SLC12A5: variants seen among roughly 807,000 people sequenced by gnomAD.
SLC12A5 encodes solute carrier family 12 member 5, also known as K-Cl cotransporter 2.
Under a neutral mutation model 124.0 loss-of-function variants are expected in SLC12A5, and 18 were observed. The ratio of observed to expected loss-of-function variants is 0.15; its 90% CI spans 0.10 to 0.22. The LOEUF (loss-of-function observed/expected upper bound fraction) is 0.22. SLC12A5 is among the 10% of genes least tolerant of loss of function. The pLI, the probability that SLC12A5 is intolerant of heterozygous loss-of-function variation, is 1.00. For missense variants in SLC12A5, 867 were observed against 1,478.7 expected, an observed-to-expected ratio of 0.59 and a Z score of 6.78; for synonymous variants, 589 against 568.0, an observed-to-expected ratio of 1.04 and a Z score of -0.53.
chr20:46,033,722 C>T (rs1462146419), intron 1 of SLC12A5, among the ~76,000 whole-genome samples: 6 of 152,264 alleles, frequency 3.9e-5, no homozygotes, highest in Non-Finnish European at 7.3e-5. Context: ...ATCATCCAAC[C>T]ATTCACCCAT....
intron 5 of SLC12A5, 102 bp from the exon 6 acceptor site, chr20:46,037,153 G>T: frequency 1.4e-6 from 2 of 1,477,236 alleles, no homozygotes; most frequent in East Asian, 2.3e-5. Flanking sequence ...AGCCTGTGAG[G>T]CCTGGAGCAA....
In SLC12A5 at chr20:46,045,466, A is replaced by G. The variant is rs1354429640; in HGVS notation, c.1569+326A>G. ...CACTGTCTGCTCTTGGGGAAAAAAT[A>G]AATGGCCCTGTTTTGGCACTGTGGT... is the stretch of plus-strand genomic sequence containing the variant. On this transcript the variant is annotated intron_variant, in intron 12 of 25. Transcript: ENST00000243964. This position sits in a 1 kb window ranked among gnomAD's most constrained non-coding sequence, Gnocchi z 4.9. 6.6e-6 allele frequency among the ~76,000 whole-genome samples: 1 copy of G among 152,168 alleles called. No individual in the cohort carries two copies. Among genetic ancestry groups the G allele is most frequent in the Non-Finnish European group, 1.5e-5 (1 of 68,020 alleles).
rs749721085 is a variant in SLC12A5 at position 46,057,617 on chromosome 20, T to C, written c.*12T>C. On this transcript the variant is annotated 3_prime_UTR_variant, in exon 26 of 26. Transcript: ENST00000243964. This position sits in a 1 kb window ranked among gnomAD's most constrained non-coding sequence, Gnocchi z 7.1. ...CCATCTACTCCTGAGAACCAGGACC[T>C]GCCACCCGGGCCCGAGCGCGCCCGG... 6.8e-6 allele frequency: 11 copies of C among 1,606,630 alleles called. No homozygotes were observed. The highest frequency in any genetic ancestry group is 9.4e-6 in the Non-Finnish European group (11 of 1,175,504).
Position 46,057,118 on chromosome 20 carries a change from T to A in SLC12A5, c.3126-52T>A. On this transcript the variant is annotated intron_variant, in intron 24 of 25. Transcript: ENST00000243964. The surrounding 1 kb of genome is among the most constrained non-coding windows in gnomAD (Gnocchi z 7.1). The stretch of plus-strand genomic sequence containing the variant: ...GGGCTGGAAGGGCGACTGGCTCCAA[T>A]CTTCTCTACCCCCCCGGCTCACGCG... The A allele has an allele frequency of 6.2e-7, 1 of 1,609,482 alleles. No homozygotes were observed. Among genetic ancestry groups the A allele is most frequent in the Non-Finnish European group, 8.5e-7 (1 of 1,176,826 alleles).
chr20:46,029,491 A>T (rs1320004530), intron 1 of SLC12A5, 95 bp downstream of exon 1: 2 of 1,381,394 alleles, frequency 1.4e-6, no homozygotes, highest in Non-Finnish European at 9.8e-7. Flanking sequence ...TCCTTCAGAG[A>T]GGAGGCTGGG....
In SLC12A5 at chr20:46,055,032, G is replaced by A; in HGVS notation, c.2787+9G>A. ...ATGAGCGGGAGCGGGAGGTGAGGTT[G>A]CCCTGGCTGGCCCCTGAGAGCCTCA... On this transcript the variant is annotated intron_variant, in intron 21 of 25. Coordinates refer to ENST00000243964, the MANE Select transcript of SLC12A5 (RefSeq NM_020708.5). 6 of 1,609,442 alleles carry A rather than the reference G, an allele frequency of 3.7e-6. No homozygotes were observed. The highest frequency in any genetic ancestry group is 1.1e-5 in the South Asian group (1 of 90,952).
chr20:46,043,139 C>T lies in SLC12A5; in HGVS notation c.1067-14C>T. 4 of 1,611,876 alleles carry T rather than the reference C, an allele frequency of 2.5e-6. No homozygotes were observed. The highest frequency in any genetic ancestry group is 3.4e-6 in the Non-Finnish European group (4 of 1,178,464). ...TATGGCTGGCCTCCCCCTGAGCATT[C>T]TGTCTCCCCACAGAGAACCTCTGGA... On this transcript the variant is annotated splice_polypyrimidine_tract_variant and intron_variant, in intron 8 of 25. Transcript: ENST00000243964.
intron 17 of SLC12A5, 74 bp from the exon 18 acceptor site, chr20:46,051,601 G>A: frequency 7.2e-7 from 1 of 1,395,784 alleles, no homozygotes; most frequent in Non-Finnish European, 9.9e-7. Flanking sequence ...AGATGGGAGG[G>A]AAGGAGGCTA....
chr20:46,059,641 A>G lies in SLC12A5; in HGVS notation c.*2036A>G, dbSNP rs2084734667. Reference sequence around the variant, plus strand: ...AGCAAAGTTTCCGTTGATGAAACAGACATCCCACAACAAAAACCCAAGTTT... The same window carrying G: ...AGCAAAGTTTCCGTTGATGAAACAGGCATCCCACAACAAAAACCCAAGTTT... On this transcript the variant is annotated 3_prime_UTR_variant, in exon 26 of 26. Transcript: ENST00000243964. 7.5e-6 allele frequency: 3 copies of G among 398,968 alleles called. No individual in the cohort carries two copies. The Admixed American group carries it at 1.3e-4, about 18-fold the overall frequency. The allele number at this position is 398,968 out of a possible 1,614,324, so 24.7% of individuals were successfully genotyped here.
intron 1 of SLC12A5, among the ~76,000 whole-genome samples, chr20:46,033,291 C>T (rs562287218): frequency 6.6e-6 from 1 of 152,256 alleles, no homozygotes; most frequent in South Asian, 2.1e-4. Flanking sequence ...TGCCTAGGGC[C>T]TCAATTTCAC....
chr20:46,037,161 C>T, intron 5 of SLC12A5, 94 bp from the exon 6 acceptor site: 1 of 1,489,096 alleles, frequency 6.7e-7, no homozygotes, highest in Admixed American at 2.2e-5. Flanking sequence ...AGGCCTGGAG[C>T]AACCCCCTTC....
At chr20:46,022,031 G>A in intron 1 of SLC12A5, 1 of 1,039,078 alleles carries the variant, frequency 9.6e-7, no homozygotes, top group African/African-American at 1.7e-5. Flanking sequence ...AATGGAGCCA[G>A]GACTAGGAAA....
chr20:46,032,074 G>A (rs1202793801), intron 1 of SLC12A5, among the ~76,000 whole-genome samples: 2 of 152,244 alleles, frequency 1.3e-5, no homozygotes, highest in Admixed American at 6.5e-5. Flanking sequence ...CTACCTAGCC[G>A]CCCTCTCCCC....
upstream of SLC12A5, among the ~76,000 whole-genome samples, chr20:46,024,300 A>G (rs1212959553): frequency 6.6e-6 from 1 of 151,988 alleles, no homozygotes; most frequent in Non-Finnish European, 1.5e-5. Flanking sequence ...TTCTGTGTCT[A>G]TCTGAGGGGT....
chr20:46,036,649 G>T, intron 4 of SLC12A5, 92 bp from the exon 5 acceptor site: 1 of 1,362,792 alleles, frequency 7.3e-7, no homozygotes, highest in South Asian at 1.2e-5. Context: ...CTGTGGGTTT[G>T]GCTGGTGTTT....
intron 6 of SLC12A5, among the ~76,000 whole-genome samples, chr20:46,039,293 G>A (rs965796685): frequency 2.6e-5 from 4 of 152,116 alleles, no homozygotes; most frequent in East Asian, 1.9e-4. Flanking sequence ...CATTTTTTAC[G>A]ATTCAGGGAA....
chr20:46,044,882 T>G, intron 11 of SLC12A5, 84 bp from the exon 12 acceptor site: 5 of 1,490,512 alleles, frequency 3.4e-6, no homozygotes, highest in South Asian at 1.2e-5. Flanking sequence ...AGGCACACAG[T>G]TGGTTCTGTA....
At position 46,055,020 on chromosome 20, in the gene SLC12A5, G is replaced by T. The variant is rs896997042; in HGVS notation, c.2784G>T (p.Arg928=). Residue 928 remains arginine, a synonymous_variant, in exon 21 of 26, where the codon CGG becomes CGT. Transcript: ENST00000243964. ...ATTTAACCAAGAATGAGCGGGAGCGGGAGGTGAGGTTGCCCTGGCTGGCCC... is the reference window on the plus strand; with the variant it reads ...ATTTAACCAAGAATGAGCGGGAGCGTGAGGTGAGGTTGCCCTGGCTGGCCC... ...QMHLTKNERE[R]EIQSITDESR... 1 of 1,613,826 alleles carries T rather than the reference G, an allele frequency of 6.2e-7. No individual in the cohort carries two copies. The highest frequency in any genetic ancestry group is 1.3e-5 in the African/African-American group (1 of 75,034).
At chr20:46,036,853 C>T in intron 5 of SLC12A5, 58 bp downstream of exon 5, 1 of 1,597,226 alleles carries the variant, frequency 6.3e-7, no homozygotes, top group Non-Finnish European at 8.6e-7. Flanking sequence ...AGGGATAGTG[C>T]CCTGGGCTTT....
Sources: gnomAD v4.1 joint callset for allele counts (sites outside exome capture counted in the v4.1 genomes callset) on GRCh38, gnomAD v4.1.1 for gene constraint, Gnocchi (gnomAD v3.1) non-coding constraint, MANE v1.5 for transcripts, NCBI Gene and HGNC (gene_info 2026-07-23, HGNC 2026-07-21) for gene names.